DLGAP1: variants seen among roughly 807,000 people sequenced by gnomAD.
DLGAP1 encodes the protein DLG associated protein 1.
In DLGAP1, 11 loss-of-function variants were observed where a neutral mutation model predicts 90.8. That is an observed-to-expected ratio of 0.12 (90% CI 0.08 to 0.20). DLGAP1 has a LOEUF of 0.20. Among genes scored for constraint, DLGAP1 ranks in the 10% least tolerant of loss-of-function variants. DLGAP1 has a pLI of 1.00. For missense variants in DLGAP1, 1,050 were observed against 1,333.8 expected (o/e 0.79, Z 3.31); for synonymous variants, 558 against 540.7 (o/e 1.03, Z -0.44).
intron 3 of DLGAP1, among the ~76,000 whole-genome samples, chr18:3,907,212 A>G (rs539957647): frequency 1.6e-3 from 248 of 152,326 alleles, no homozygotes; most frequent in African/African-American, 5.8e-3. Context: ...TTCCTGATAC[A>G]GTATTAGGAA....
intron 3 of DLGAP1, among the ~76,000 whole-genome samples, chr18:3,909,169 G>T (rs535163608): frequency 6.6e-6 from 1 of 152,312 alleles, no homozygotes; most frequent in Non-Finnish European, 1.5e-5. Context: ...GGAGGCAAAA[G>T]GTGGTAAAAG....
intron 4 of DLGAP1, chr18:3,821,997 T>TA: frequency 1.0e-6 from 1 of 983,930 alleles, no homozygotes; most frequent in South Asian, 4.7e-5. Flanking sequence ...TTAGCCTTTT[T>TA]AGCTTGCTCT....
chr18:4,009,380 T>C (rs9961339), intron 2 of DLGAP1, among the ~76,000 whole-genome samples: 32,949 of 152,224 alleles, frequency 0.22, 3,871 homozygotes, highest in African/African-American at 0.31. Flanking sequence ...TCCTACTGTA[T>C]TGCAGCCGAT....
chr18:3,887,837 A>T (rs901505482), intron 3 of DLGAP1, among the ~76,000 whole-genome samples: 4 of 152,116 alleles, frequency 2.6e-5, no homozygotes, highest in Non-Finnish European at 4.4e-5. Flanking sequence ...GGCCGGGGGC[A>T]GTGGCTCATG....
intron 2 of DLGAP1, among the ~76,000 whole-genome samples, chr18:4,021,003 G>T (rs1053915912): frequency 2.6e-5 from 4 of 151,970 alleles, no homozygotes; most frequent in African/African-American, 9.7e-5. Context: ...ATAGTAGACC[G>T]CAAGAAAAAC....
At chr18:3,646,909 G>GA (rs2059141437) in intron 7 of DLGAP1, among the ~76,000 whole-genome samples, 1 of 151,036 alleles carries the variant, frequency 6.6e-6, no homozygotes, top group African/African-American at 2.4e-5. Flanking sequence ...TGGGCAACAG[G>GA]GCGAGACTCC....
chr18:3,911,126 T>C (rs2072024232), intron 3 of DLGAP1, among the ~76,000 whole-genome samples: 1 of 152,192 alleles, frequency 6.6e-6, no homozygotes, highest in African/African-American at 2.4e-5. Flanking sequence ...CAGGTAAACT[T>C]GTGTTCTCCC....
intron 1 of DLGAP1, among the ~76,000 whole-genome samples, chr18:4,230,366 T>C (rs1251049676): frequency 2.0e-5 from 3 of 152,106 alleles, no homozygotes; most frequent in Non-Finnish European, 2.9e-5. Flanking sequence ...CTGTTCACAA[T>C]AGACAAATTT....
chr18:3,830,292 G>A (rs953697330), intron 4 of DLGAP1, among the ~76,000 whole-genome samples: 1 of 152,202 alleles, frequency 6.6e-6, no homozygotes, highest in Non-Finnish European at 1.5e-5. Context: ...TTGGCCAGGC[G>A]TGGTGGCTCA....
chr18:4,025,833 C>G (rs1225395134), intron 2 of DLGAP1, among the ~76,000 whole-genome samples: 1 of 152,142 alleles, frequency 6.6e-6, no homozygotes, highest in African/African-American at 2.4e-5. Flanking sequence ...TTCAAACTGA[C>G]ATTTTTAAAA....
rs188552732 is a variant in DLGAP1 at position 4,277,112 on chromosome 18, G to T, written c.-266-125825C>A. On this transcript the variant is annotated intron_variant, in intron 1 of 12. Transcript: ENST00000315677. ...AAAACAGTGGGAGGCTTTTTTCCCT[G>T]CTAGTATAATGGCATTTGATGATTT... Among the ~76,000 whole-genome samples the T allele has an allele frequency of 1.1e-4, 16 of 152,202 alleles. No homozygotes were observed. The East Asian group carries it at 1.9e-3, about 18-fold the overall frequency.
intron 5 of DLGAP1, among the ~76,000 whole-genome samples, chr18:3,756,180 G>C (rs571460238): frequency 5.9e-5 from 9 of 152,148 alleles, no homozygotes; most frequent in Admixed American, 2.6e-4. Context: ...CTCCCGAGTA[G>C]CTGGGACTAC....
chr18:3,534,160 G>A lies in DLGAP1; in HGVS notation c.2479+34C>T, dbSNP rs374382632. On this transcript the variant is annotated intron_variant, in intron 10 of 12. Transcript: ENST00000315677. ...CACACACAAAGCAACCCCAGCCCCA[G>A]GGGACGGGTGTGGCACGTGGTGGCA... 990 of 1,586,926 alleles carry A rather than the reference G, an allele frequency of 6.2e-4. 1 individual carries two copies. The highest frequency in any genetic ancestry group is 6.9e-4 in the Non-Finnish European group (802 of 1,166,018).
chr18:3,802,031 C>T (rs1053248041), intron 5 of DLGAP1, among the ~76,000 whole-genome samples: 3 of 149,742 alleles, frequency 2.0e-5, no homozygotes, highest in Non-Finnish European at 4.4e-5. Flanking sequence ...GTCACCCAGG[C>T]TGGAGTGCAG....
intron 2 of DLGAP1, among the ~76,000 whole-genome samples, chr18:4,060,544 T>G (rs2143277811): frequency 6.6e-6 from 1 of 152,318 alleles, no homozygotes; most frequent in Admixed American, 6.5e-5. Flanking sequence ...AGACAAGCTC[T>G]AGTGAAAATC....
At position 4,234,103 on chromosome 18, in the gene DLGAP1, A is replaced by ATTT. The variant is rs200080373; in HGVS notation, c.-266-82819_-266-82817dup. Among the ~76,000 whole-genome samples, 19 of 138,756 alleles carry ATTT rather than the reference A, an allele frequency of 1.4e-4. 1 individual carries two copies. Among genetic ancestry groups the ATTT allele is most frequent in the East Asian group, 4.2e-4 (2 of 4,772 alleles). The allele number at this position is 138,756 out of a possible 152,430, so 91.0% of individuals were successfully genotyped here. A position where few individuals can be genotyped will look rare whatever the true frequency, so the allele number is the denominator to read the frequency against. On this transcript the variant is annotated intron_variant, in intron 1 of 12. Coordinates refer to ENST00000315677, the MANE Select transcript of DLGAP1 (RefSeq NM_004746.4). ...AGCCATGTAAAGTTTCTTTTTTGCT[A>ATTT]TTTTTTTTTTTTTTTTAGTTTCTTG...
At chr18:3,900,202 G>C (rs149184052) in intron 3 of DLGAP1, among the ~76,000 whole-genome samples, 1 of 152,270 alleles carries the variant, frequency 6.6e-6, no homozygotes, top group East Asian at 1.9e-4. Context: ...ATTGAACAGG[G>C]GATGTGGAAA....
At chr18:3,977,925 T>C (rs2073631554) in intron 3 of DLGAP1, 4 of 356,254 alleles carry the variant, frequency 1.1e-5, no homozygotes, top group African/African-American at 8.7e-5. Flanking sequence ...ACGTTGGTGG[T>C]GGAGACAAGG....
chr18:3,721,371 A>C (rs1293026119), intron 7 of DLGAP1: 1 of 152,214 alleles, frequency 6.6e-6, no homozygotes, highest in Non-Finnish European at 1.5e-5. Flanking sequence ...CTGTCTGACA[A>C]CACCATGACT....
Sources: gnomAD v4.1 joint callset for allele counts (sites outside exome capture counted in the v4.1 genomes callset) on GRCh38, gnomAD v4.1.1 for gene constraint, MANE v1.5 for transcripts, NCBI Gene and HGNC (gene_info 2026-07-23, HGNC 2026-07-21) for gene names.